Variants in NHERF2 observed in about 807,000 individuals in gnomAD.
NHERF2 encodes NHERF family PDZ scaffold protein 2.
chr16:2,038,101 A>C, the NHERF2 span: 2 of 1,323,142 alleles, frequency 1.5e-6, no homozygotes, highest in Non-Finnish European at 1.0e-6. Flanking sequence ...CATTGCCCAG[A>C]AATCAGCCCC....
At chr16:2,036,571 T>C in the NHERF2 span, 1 of 1,525,392 alleles carries the variant, frequency 6.6e-7, no homozygotes, top group South Asian at 1.2e-5. Context: ...CCCTGGGTCC[T>C]TGCAGGGAGG....
At chr16:2,037,941 A>G in the NHERF2 span, 18 of 1,613,358 alleles carry the variant, frequency 1.1e-5, no homozygotes, top group Non-Finnish European at 1.5e-5. Flanking sequence ...CGCGCGCCAC[A>G]GATGGACTGG....
the NHERF2 span, chr16:2,027,282 C>G: frequency 1.5e-5 from 16 of 1,062,410 alleles, no homozygotes; most frequent in Admixed American, 4.4e-5. Context: ...CTGGGGCGAG[C>G]AGGGGTCGCA....
chr16:2,030,008 C>T, the NHERF2 span, among the ~76,000 whole-genome samples: 2 of 152,308 alleles, frequency 1.3e-5, no homozygotes, highest in East Asian at 1.9e-4. Context: ...TGGCCTGTTC[C>T]TCTTCTCCAG....
chr16:2,037,317 T>C, the NHERF2 span, among the ~76,000 whole-genome samples: 1 of 152,150 alleles, frequency 6.6e-6, no homozygotes, highest in Non-Finnish European at 1.5e-5. Context: ...CGGCCATTCC[T>C]GCACCTGAAC....
the NHERF2 span, among the ~76,000 whole-genome samples, chr16:2,030,510 C>T: frequency 6.6e-6 from 1 of 152,126 alleles, no homozygotes; most frequent in African/African-American, 2.4e-5. Context: ...AGGTGGCCGA[C>T]TGGGAGGGGC....
the NHERF2 span, chr16:2,036,808 G>A: frequency 6.2e-7 from 1 of 1,613,356 alleles, no homozygotes; most frequent in Non-Finnish European, 8.5e-7. Flanking sequence ...AGGCCCGGCT[G>A]CTGGTCGTGG....
chr16:2,028,201 G>C, the NHERF2 span, among the ~76,000 whole-genome samples: 1 of 152,242 alleles, frequency 6.6e-6, no homozygotes, highest in Non-Finnish European at 1.5e-5. Flanking sequence ...TAGCAGGTTG[G>C]TTCAGCTGGA....
At chr16:2,029,373 G>T in the NHERF2 span, among the ~76,000 whole-genome samples, 1 of 146,550 alleles carries the variant, frequency 6.8e-6, no homozygotes, top group Non-Finnish European at 1.5e-5. Context: ...CACAGCCTGG[G>T]CCTCAGTGTC....
the NHERF2 span, among the ~76,000 whole-genome samples, chr16:2,031,273 G>C: frequency 1.5e-4 from 23 of 152,306 alleles, no homozygotes; most frequent in Admixed American, 1.5e-3. Context: ...TCAGGGCCAA[G>C]GTGCCCAGCC....
chr16:2,029,582 G>A, the NHERF2 span: 2 of 1,569,050 alleles, frequency 1.3e-6, no homozygotes, highest in South Asian at 1.2e-5. Context: ...TTCGCCCCAG[G>A]TGGTGCAAAG....
chr16:2,036,530 G>A, the NHERF2 span: 1 of 1,561,652 alleles, frequency 6.4e-7, no homozygotes, highest in South Asian at 1.2e-5. Flanking sequence ...GCTGCGGGGT[G>A]CCGAGTGCCC....
At chr16:2,031,465 G>A in the NHERF2 span, among the ~76,000 whole-genome samples, 1 of 152,206 alleles carries the variant, frequency 6.6e-6, no homozygotes, top group Non-Finnish European at 1.5e-5. Flanking sequence ...ACCTTCCTGT[G>A]GAAAAATCCG....
the NHERF2 span, among the ~76,000 whole-genome samples, chr16:2,035,141 G>A: frequency 3.3e-5 from 5 of 152,140 alleles, no homozygotes; most frequent in African/African-American, 4.8e-5. Context: ...GAGGCATCTG[G>A]CAGGCTGGAC....
At chr16:2,030,597 T>C in the NHERF2 span, among the ~76,000 whole-genome samples, 2 of 151,662 alleles carry the variant, frequency 1.3e-5, no homozygotes, top group Admixed American at 6.6e-5. Context: ...CTGATGGCAT[T>C]ATCTCCATGT....
chr16:2,036,606 G>C, the NHERF2 span: 1 of 1,524,706 alleles, frequency 6.6e-7, no homozygotes, highest in South Asian at 1.2e-5. Context: ...AACCTGAGCT[G>C]GTGCGCCTCC....
the NHERF2 span, chr16:2,038,401 C>A: frequency 3.8e-3 from 639 of 169,296 alleles, 2 homozygotes; most frequent in Non-Finnish European, 5.8e-3. Context: ...ATACCAGAGA[C>A]CCCCCCCCTT....
chr16:2,030,431 C>A, the NHERF2 span, among the ~76,000 whole-genome samples: 1 of 152,148 alleles, frequency 6.6e-6, no homozygotes, highest in Non-Finnish European at 1.5e-5. Context: ...GTACTTCCTC[C>A]TTCCCCTGCC....
At chr16:2,036,555 C>T in the NHERF2 span, 11 of 1,535,186 alleles carry the variant, frequency 7.2e-6, no homozygotes, top group Admixed American at 2.0e-5. Flanking sequence ...CCTGTCCACA[C>T]TGGGGCCCTG....
Sources: gnomAD v4.1 joint callset for allele counts (sites outside exome capture counted in the v4.1 genomes callset) on GRCh38, gnomAD v4.1.1 for gene constraint, MANE v1.5 for transcripts, NCBI Gene and HGNC (gene_info 2026-07-23, HGNC 2026-07-21) for gene names.